The following ARHGAP15 variants were observed in gnomAD, a reference collection of about 807,000 sequenced individuals.
ARHGAP15 encodes the protein rho GTPase-activating protein 15.
In ARHGAP15, 51 loss-of-function variants were observed where a neutral mutation model predicts 63.7. The observed-to-expected ratio is 0.80, with a 90% CI of 0.64 to 1.01. The LOEUF is 1.01. Ranked by LOEUF, ARHGAP15 falls within the 50% of genes least tolerant of loss-of-function variation. The pLI is 0.00. For synonymous variants in ARHGAP15, 191 were observed against 193.8 expected (o/e 0.99, Z 0.12); for missense variants, 560 against 564.6 (o/e 0.99, Z 0.08).
intron 6 of ARHGAP15, among the ~76,000 whole-genome samples, chr2:143,382,693 A>G (rs1169840610): frequency 6.6e-6 from 1 of 152,078 alleles, no homozygotes; most frequent in Non-Finnish European, 1.5e-5. Context: ...TTTTCCTCAC[A>G]CTTGCTTCCG....
chr2:143,724,768 A>G (rs1015289821), intron 13 of ARHGAP15, among the ~76,000 whole-genome samples: 2 of 152,254 alleles, frequency 1.3e-5, no homozygotes, highest in African/African-American at 4.8e-5. Context: ...TCGGACAAGC[A>G]TAGTAAGAAT....
chr2:143,478,980 AAAG>A (rs1331206824), intron 8 of ARHGAP15, among the ~76,000 whole-genome samples: 3 of 152,224 alleles, frequency 2.0e-5, no homozygotes, highest in South Asian at 2.1e-4. Flanking sequence ...TTAGAGATTT[AAAG>A]AAGAAGCCTC....
chr2:143,193,138 G>T (rs1045060006), intron 2 of ARHGAP15, among the ~76,000 whole-genome samples: 1 of 152,120 alleles, frequency 6.6e-6, no homozygotes, highest in South Asian at 2.1e-4. Context: ...CTCTTTCAGG[G>T]AAGCACAGAG....
intron 12 of ARHGAP15, among the ~76,000 whole-genome samples, chr2:143,661,149 T>A (rs1217923219): frequency 6.6e-6 from 1 of 152,194 alleles, no homozygotes; most frequent in Admixed American, 6.5e-5. Flanking sequence ...AACAAGGATT[T>A]CTTTGCTTTT....
rs778935227 is a variant in ARHGAP15, at chr2:143,487,451, G to A, written c.782G>A (p.Arg261Gln). The change falls in exon 9 of 14, where the codon CGA becomes CAA. Residue 261 changes from arginine (R) to glutamine (Q), a missense_variant. Coordinates refer to ENST00000295095, the MANE Select transcript of ARHGAP15 (RefSeq NM_018460.4). ...AGCAGATTAAAGAAGTTTATTACCC[G>A]AAGACCTTCCCTGAAAACTCTGCAA... ...VKSRLKKFIT[R>Q]RPSLKTLQEK... 56 of 1,613,464 alleles carry A rather than the reference G, an allele frequency of 3.5e-5. No individual in the cohort carries two copies. The highest frequency in any genetic ancestry group is 1.6e-4 in the Middle Eastern group (1 of 6,082).
At chr2:143,160,301 C>T (rs1690239864) in intron 2 of ARHGAP15, among the ~76,000 whole-genome samples, 1 of 151,920 alleles carries the variant, frequency 6.6e-6, no homozygotes. Flanking sequence ...AGTTAAATCT[C>T]TCTTATCTCA....
At chr2:143,176,333 T>G (rs1315465232) in intron 2 of ARHGAP15, among the ~76,000 whole-genome samples, 3 of 152,174 alleles carry the variant, frequency 2.0e-5, no homozygotes, top group Non-Finnish European at 4.4e-5. Context: ...GAAAAGTATT[T>G]AATAAGAAAA....
intron 6 of ARHGAP15, among the ~76,000 whole-genome samples, chr2:143,341,097 G>T (rs150573324): frequency 2.0e-5 from 3 of 151,928 alleles, no homozygotes; most frequent in Non-Finnish European, 4.4e-5. Context: ...TCTCTTCTCT[G>T]TGAACACATA....
intron 2 of ARHGAP15, among the ~76,000 whole-genome samples, chr2:143,201,731 A>G (rs766182808): frequency 1.3e-5 from 2 of 152,054 alleles, no homozygotes; most frequent in Non-Finnish European, 2.9e-5. Flanking sequence ...CCTCCAACAT[A>G]TTTTCCAAGA....
At chr2:143,637,563 C>A (rs907438214) in intron 12 of ARHGAP15, among the ~76,000 whole-genome samples, 9 of 152,066 alleles carry the variant, frequency 5.9e-5, no homozygotes, top group Non-Finnish European at 1.0e-4. Context: ...ATTGTGCCTT[C>A]CTCCTAGTAT....
At chr2:143,442,991 A>AT (rs1404067607) in intron 8 of ARHGAP15, among the ~76,000 whole-genome samples, 1 of 152,020 alleles carries the variant, frequency 6.6e-6, no homozygotes, top group East Asian at 1.9e-4. Context: ...AAACCAATAT[A>AT]TTTTTTTCCT....
intron 6 of ARHGAP15, among the ~76,000 whole-genome samples, chr2:143,382,740 C>T (rs1224444962): frequency 1.3e-5 from 2 of 152,142 alleles, no homozygotes; most frequent in Non-Finnish European, 2.9e-5. Flanking sequence ...TTGGGAAGAT[C>T]CCGTGAGGCT....
At chr2:143,444,922 T>TCTGC (rs1160337021) in intron 8 of ARHGAP15, among the ~76,000 whole-genome samples, 2 of 152,092 alleles carry the variant, frequency 1.3e-5, no homozygotes, top group Non-Finnish European at 2.9e-5. Context: ...CCTAAAGCAA[T>TCTGC]CTGCCAATAC....
chr2:143,153,843 T>TTCTTCCTCCTCC (rs1689957969), intron 1 of ARHGAP15, among the ~76,000 whole-genome samples: 1 of 86,868 alleles, frequency 1.2e-5, no homozygotes, highest in African/African-American at 4.8e-5. Context: ...CTTCTTCTTC[T>TTCTTCCTCCTCC]TCCTCCTCCT....
chr2:143,587,817 G>T (rs776658612), intron 11 of ARHGAP15: 6 of 460,346 alleles, frequency 1.3e-5, no homozygotes, highest in Non-Finnish European at 2.2e-5. Context: ...TCATTAAACT[G>T]GTATTTATAT....
intron 1 of ARHGAP15, among the ~76,000 whole-genome samples, chr2:143,149,862 G>A (rs1689745104): frequency 6.6e-6 from 1 of 151,988 alleles, no homozygotes; most frequent in African/African-American, 2.4e-5. Flanking sequence ...AGTCTCTATT[G>A]TTTTGTCAGG....
Position 143,541,595 on chromosome 2 carries a change from A to T in ARHGAP15, c.926-14813A>T, listed in dbSNP as rs1695055296. On this transcript the variant is annotated intron_variant, in intron 10 of 13. Coordinates refer to ENST00000295095, the MANE Select transcript of ARHGAP15 (RefSeq NM_018460.4). ...TCTCTTTGTTAGTTTTCCTTCTAAC[A>T]GTCAGGACCCTCAGTTGCAGGTCTG... Among the ~76,000 whole-genome samples, 4 of 152,174 alleles carry T rather than the reference A, an allele frequency of 2.6e-5. No homozygotes were observed. In the South Asian group the frequency reaches 8.3e-4, roughly 32 times the overall value.
chr2:143,633,198 T>TGCAC (rs1466969370), intron 12 of ARHGAP15, among the ~76,000 whole-genome samples: 1 of 152,190 alleles, frequency 6.6e-6, no homozygotes, highest in Non-Finnish European at 1.5e-5. Flanking sequence ...TGTGTGTGTG[T>TGCAC]GCACGTGTGC....
chr2:143,252,640 T>G (rs571378421), intron 6 of ARHGAP15, among the ~76,000 whole-genome samples: 1 of 152,070 alleles, frequency 6.6e-6, no homozygotes, highest in Admixed American at 6.6e-5. Flanking sequence ...TGTTTCATTC[T>G]TTTTGAGTGA....
Sources: allele counts gnomAD v4.1 joint callset (sites outside exome capture counted in the v4.1 genomes callset), GRCh38; gene constraint gnomAD v4.1.1; transcripts MANE v1.5; gene names NCBI Gene and HGNC (gene_info 2026-07-23, HGNC 2026-07-21).